The following EXOC6B variants were observed in gnomAD, a reference collection of about 807,000 sequenced individuals.
EXOC6B encodes exocyst complex component 6B.
EXOC6B carries 54 observed loss-of-function variants against 113.5 expected under a neutral mutation model. The ratio of observed to expected loss-of-function variants is 0.48; its 90% CI spans 0.38 to 0.60. EXOC6B has a LOEUF of 0.60. Ranked by LOEUF, EXOC6B falls within the 20% of genes least tolerant of loss-of-function variation. The pLI is 0.00. For missense variants in EXOC6B, 797 were observed against 977.5 expected (o/e 0.82, Z 2.46); for synonymous variants, 357 against 339.0 (o/e 1.05, Z -0.58).
intron 17 of EXOC6B, among the ~76,000 whole-genome samples, chr2:72,468,716 T>C (rs1008657961): frequency 6.6e-6 from 1 of 152,196 alleles, no homozygotes; most frequent in Non-Finnish European, 1.5e-5. Flanking sequence ...ATTGAATATG[T>C]AGATCACTTT....
intron 20 of EXOC6B, among the ~76,000 whole-genome samples, chr2:72,331,418 G>A (rs1456718737): frequency 1.3e-5 from 2 of 152,066 alleles, no homozygotes; most frequent in African/African-American, 4.8e-5. Context: ...AGTAAGTACT[G>A]AGAATCTACT....
chr2:72,739,838 A>G (rs1279794379), intron 2 of EXOC6B, among the ~76,000 whole-genome samples: 4 of 152,180 alleles, frequency 2.6e-5, no homozygotes, highest in African/African-American at 9.6e-5. Flanking sequence ...TATGATGGCA[A>G]TATAATTTCT....
At chr2:72,552,305 GAA>G (rs982188754) in intron 8 of EXOC6B, among the ~76,000 whole-genome samples, 1 of 152,094 alleles carries the variant, frequency 6.6e-6, no homozygotes, top group African/African-American at 2.4e-5. Context: ...TTACAACTGT[GAA>G]CTCCCTTATC....
chr2:72,658,286 T>TAAAAAAA (rs60572283), intron 6 of EXOC6B, among the ~76,000 whole-genome samples: 4 of 58,690 alleles, frequency 6.8e-5, no homozygotes, highest in East Asian at 5.5e-4. Context: ...TAAAAACTAG[T>TAAAAAAA]AAAAAAAAAA....
chr2:72,507,544 A>G (rs1700658124), intron 11 of EXOC6B, among the ~76,000 whole-genome samples: 1 of 152,120 alleles, frequency 6.6e-6, no homozygotes, highest in South Asian at 2.1e-4. Context: ...ACAAACCTGC[A>G]CATCCTGCAC....
intron 6 of EXOC6B, among the ~76,000 whole-genome samples, chr2:72,717,609 A>T (rs546470888): frequency 6.6e-6 from 1 of 152,182 alleles, no homozygotes; most frequent in Non-Finnish European, 1.5e-5. Context: ...TTAATATATA[A>T]GCTGTTAATA....
chr2:72,670,638 T>C (rs1675722624), intron 6 of EXOC6B, among the ~76,000 whole-genome samples: 1 of 152,226 alleles, frequency 6.6e-6, no homozygotes, highest in Non-Finnish European at 1.5e-5. Flanking sequence ...TGTGATATGA[T>C]GATATTATTT....
intron 6 of EXOC6B, among the ~76,000 whole-genome samples, chr2:72,660,812 A>G (rs933010095): frequency 6.8e-6 from 1 of 146,180 alleles, no homozygotes; most frequent in African/African-American, 2.8e-5. Flanking sequence ...ATTGGCACTA[A>G]GTTTACCTTT....
chr2:72,740,988 C>T (rs1681281215), intron 2 of EXOC6B, among the ~76,000 whole-genome samples: 1 of 151,866 alleles, frequency 6.6e-6, no homozygotes, highest in Non-Finnish European at 1.5e-5. Context: ...CCTGTAGTCC[C>T]AGCTATTCGG....
intron 11 of EXOC6B, among the ~76,000 whole-genome samples, chr2:72,508,319 C>T (rs1700717683): frequency 6.6e-6 from 1 of 152,060 alleles, no homozygotes; most frequent in Non-Finnish European, 1.5e-5. Flanking sequence ...AATTAATCTA[C>T]AGATTTACTG....
At chr2:72,556,052 G>C (rs989308018) in intron 8 of EXOC6B, among the ~76,000 whole-genome samples, 1 of 152,174 alleles carries the variant, frequency 6.6e-6, no homozygotes, top group Admixed American at 6.5e-5. Context: ...TGAAGACAAG[G>C]CACAATCAAA....
At chr2:72,731,882 A>C (rs1454153628) in intron 3 of EXOC6B, among the ~76,000 whole-genome samples, 1 of 152,196 alleles carries the variant, frequency 6.6e-6, no homozygotes, top group African/African-American at 2.4e-5. Flanking sequence ...AACATCAAAA[A>C]AGTATTAGGT....
intron 18 of EXOC6B, among the ~76,000 whole-genome samples, chr2:72,446,412 G>A (rs1696584984): frequency 1.3e-5 from 2 of 151,436 alleles, no homozygotes; most frequent in African/African-American, 2.4e-5. Flanking sequence ...AAGAAAAGGT[G>A]GTATATATAC....
chr2:72,348,146 T>A (rs1214522924), intron 19 of EXOC6B, among the ~76,000 whole-genome samples: 1 of 152,156 alleles, frequency 6.6e-6, no homozygotes, highest in Non-Finnish European at 1.5e-5. Flanking sequence ...AGATAACACC[T>A]GCTTATTGTA....
chr2:72,370,895 T>C (rs921139826), intron 19 of EXOC6B, among the ~76,000 whole-genome samples: 1 of 151,340 alleles, frequency 6.6e-6, no homozygotes, highest in Admixed American at 6.6e-5. Flanking sequence ...ATATGCCTAA[T>C]GTAAATGACA....
chr2:72,391,940 T>A (rs566430990), intron 18 of EXOC6B, among the ~76,000 whole-genome samples: 65 of 152,360 alleles, frequency 4.3e-4, no homozygotes, highest in African/African-American at 1.5e-3. Flanking sequence ...TTCACTAATC[T>A]TGAATTCTGC....
At chr2:72,751,136 GC>G (rs1682011932) in intron 1 of EXOC6B, among the ~76,000 whole-genome samples, 1 of 151,986 alleles carries the variant, frequency 6.6e-6, no homozygotes, top group Non-Finnish European at 1.5e-5. Context: ...AGTTTATTTT[GC>G]CAAGGTTAAG....
At chr2:72,481,535 G>T (rs1208971991) in intron 16 of EXOC6B, among the ~76,000 whole-genome samples, 3 of 152,168 alleles carry the variant, frequency 2.0e-5, no homozygotes, top group African/African-American at 4.8e-5. Flanking sequence ...TAGGCATGAT[G>T]AACAGAGATG....
At chr2:72,221,948 C>T (rs548696967) in intron 20 of EXOC6B, among the ~76,000 whole-genome samples, 2 of 152,148 alleles carry the variant, frequency 1.3e-5, no homozygotes, top group South Asian at 4.2e-4. Flanking sequence ...ATTAGCCAGC[C>T]AATTAACAGC....
Sources: allele counts gnomAD v4.1 joint callset (sites outside exome capture counted in the v4.1 genomes callset), GRCh38; gene constraint gnomAD v4.1.1; transcripts MANE v1.5; gene names NCBI Gene and HGNC (gene_info 2026-07-23, HGNC 2026-07-21).